DHRS3: variants seen among roughly 807,000 people sequenced by gnomAD.
DHRS3 encodes the protein short-chain dehydrogenase/reductase 3.
Under a neutral mutation model 27.2 loss-of-function variants are expected in DHRS3, and 14 were observed. That is an observed-to-expected ratio of 0.52 (90% CI 0.34 to 0.81). DHRS3 has a LOEUF of 0.81. DHRS3 is among the 30% of genes least tolerant of loss of function. DHRS3 has a pLI of 0.01. For synonymous variants in DHRS3, 165 were observed against 175.9 expected (o/e 0.94, Z 0.49); for missense variants, 322 against 406.2 (o/e 0.79, Z 1.78).
chr1:12,580,781 T>C, intron 1 of DHRS3, 115 bp from the exon 2 acceptor site: 1 of 1,237,298 alleles, frequency 8.1e-7, no homozygotes, highest in Non-Finnish European at 1.1e-6. Context: ...CTGGCCTCCC[T>C]GGTTCCACCC....
rs72871201 is a variant in DHRS3, at chr1:12,604,061, A to C, written c.195+13093T>G. Reference sequence around the variant, plus strand: ...CAGGGGTACATGACCCCTTAAAAGTACAAAACTTTCAGTTGCACCTTCTTC... The same window carrying C: ...CAGGGGTACATGACCCCTTAAAAGTCCAAAACTTTCAGTTGCACCTTCTTC... On this transcript the variant is annotated intron_variant, in intron 1 of 5. Coordinates refer to ENST00000616661, the MANE Select transcript of DHRS3 (RefSeq NM_004753.7). Among the ~76,000 whole-genome samples, 847 of 152,302 alleles carry C rather than the reference A, an allele frequency of 5.6e-3. 9 individuals carry two copies. The highest frequency in any genetic ancestry group is 0.019 in the African/African-American group (798 of 41,558).
At chr1:12,569,225 T>TCACACACACACACACACACA (rs1557509277) in intron 5 of DHRS3, among the ~76,000 whole-genome samples, 1 of 117,996 alleles carries the variant, frequency 8.5e-6, no homozygotes, top group African/African-American at 3.9e-5. Flanking sequence ...CCCCTCTCTC[T>TCACACACACACACACACACA]CTCTCTCACA....
intron 1 of DHRS3, among the ~76,000 whole-genome samples, chr1:12,590,188 G>A (rs1182084495): frequency 1.3e-5 from 2 of 152,158 alleles, no homozygotes; most frequent in African/African-American, 4.8e-5. Context: ...AACTCTGGGG[G>A]TTCTGGTGAG....
intron 5 of DHRS3, among the ~76,000 whole-genome samples, chr1:12,570,281 C>T (rs1412107996): frequency 6.6e-6 from 1 of 152,228 alleles, no homozygotes; most frequent in African/African-American, 2.4e-5. Context: ...CCAGCAAGCC[C>T]TGGTGTAGTC....
chr1:12,592,412 T>C lies in DHRS3; in HGVS notation c.196-11746A>G, dbSNP rs1646754289. On this transcript the variant is annotated intron_variant, in intron 1 of 5. Coordinates refer to ENST00000616661, the MANE Select transcript of DHRS3 (RefSeq NM_004753.7). This position sits in a 1 kb window ranked among gnomAD's most constrained non-coding sequence, Gnocchi z 4.2. ...GGTGGGCTCTGAGTCTAAGGACTAG[T>C]GTCCTCATGAGAGACAGAAGAAAGA... 2.0e-5 allele frequency among the ~76,000 whole-genome samples: 3 copies of C among 152,084 alleles called. No homozygotes were observed. The highest frequency in any genetic ancestry group is 6.5e-5 in the Admixed American group (1 of 15,282).
At chr1:12,605,461 C>T (rs1646864173) in intron 1 of DHRS3, among the ~76,000 whole-genome samples, 1 of 152,130 alleles carries the variant, frequency 6.6e-6, no homozygotes. Flanking sequence ...ATTAATAGTG[C>T]CATGTATATT....
At chr1:12,587,820 A>G (rs779065167) in intron 1 of DHRS3, among the ~76,000 whole-genome samples, 16 of 152,252 alleles carry the variant, frequency 1.1e-4, no homozygotes, top group Non-Finnish European at 2.2e-4. Context: ...ACACACAGGT[A>G]ATGTCACTCA....
At chr1:12,599,196 C>T (rs1048407604) in intron 1 of DHRS3, among the ~76,000 whole-genome samples, 2 of 152,390 alleles carry the variant, frequency 1.3e-5, no homozygotes, top group East Asian at 1.9e-4. Flanking sequence ...TTCCGGCTGA[C>T]TGGTCTCATG....
At chr1:12,579,063 C>T (rs1646618682) in intron 3 of DHRS3, 107 bp from the exon 4 acceptor site, 1 of 1,256,242 alleles carries the variant, frequency 8.0e-7, no homozygotes, top group South Asian at 1.4e-5. Context: ...TGCTCTAGGG[C>T]CCGAGCCTTC....
At chr1:12,604,565 T>C (rs12755309) in intron 1 of DHRS3, among the ~76,000 whole-genome samples, 1 of 152,206 alleles carries the variant, frequency 6.6e-6, no homozygotes, top group Non-Finnish European at 1.5e-5. Flanking sequence ...TCCAGAACCC[T>C]CTGTGTACTA....
At chr1:12,598,428 T>C (rs1215521937) in intron 1 of DHRS3, among the ~76,000 whole-genome samples, 1 of 152,166 alleles carries the variant, frequency 6.6e-6, no homozygotes, top group African/African-American at 2.4e-5. Flanking sequence ...ATAATTAGCA[T>C]TTATTTAGGA....
chr1:12,583,590 TATCCATCCATCCATCCATCCATCC>T (rs111034356), intron 1 of DHRS3, among the ~76,000 whole-genome samples: 1 of 94,844 alleles, frequency 1.1e-5, no homozygotes, highest in Non-Finnish European at 2.1e-5. Flanking sequence ...CTCACCTACT[TATCCATCCATCCATCCATCCATCC>T]ATCCATCCAT....
rs946652363 is a variant in DHRS3, at chr1:12,608,336, G to T, written c.195+8818C>A. On this transcript the variant is annotated intron_variant, in intron 1 of 5. Coordinates refer to ENST00000616661, the MANE Select transcript of DHRS3 (RefSeq NM_004753.7). The surrounding 1 kb of genome is among the most constrained non-coding windows in gnomAD (Gnocchi z 4.1). The stretch of plus-strand genomic sequence containing the variant: ...TACTAGGAACGCAAGGAAGCCATCA[G>T]CATCCAGTTCAGAAGCCACAGGAAT... Among the ~76,000 whole-genome samples the T allele has an allele frequency of 1.3e-5, 2 of 152,140 alleles. No homozygotes were observed. Among genetic ancestry groups the T allele is most frequent in the Admixed American group, 1.3e-4 (2 of 15,274 alleles).
At chr1:12,571,526 ATTTTTTT>A (rs371364169) in intron 5 of DHRS3, among the ~76,000 whole-genome samples, 25 of 126,736 alleles carry the variant, frequency 2.0e-4, no homozygotes, top group African/African-American at 6.5e-4. Flanking sequence ...TGTGAGGTCA[ATTTTTTT>A]TTTTTTTTTT....
At chr1:12,585,404 TGTGA>T (rs1646688938) in intron 1 of DHRS3, among the ~76,000 whole-genome samples, 2 of 152,032 alleles carry the variant, frequency 1.3e-5, no homozygotes, top group East Asian at 1.9e-4. Flanking sequence ...ACTGTGTGTG[TGTGA>T]GTGAGTGTGT....
intron 1 of DHRS3, among the ~76,000 whole-genome samples, chr1:12,607,861 A>ATG (rs1181504853): frequency 1.9e-3 from 250 of 132,636 alleles, no homozygotes; most frequent in Admixed American, 3.7e-3. Flanking sequence ...GTGTGTGTGT[A>ATG]TGTGTGTGTG....
Position 12,586,117 on chromosome 1 carries a change from C to A in DHRS3, c.196-5451G>T, listed in dbSNP as rs183969552. ...GGAGAAAGACCTCTGGTCTCCGGGGCCCCGGGCTGTCCTGCCCTTGCCCAG... is the reference window on the plus strand; with the variant it reads ...GGAGAAAGACCTCTGGTCTCCGGGGACCCGGGCTGTCCTGCCCTTGCCCAG... On this transcript the variant is annotated intron_variant, in intron 1 of 5. Coordinates refer to ENST00000616661, the MANE Select transcript of DHRS3 (RefSeq NM_004753.7). The surrounding 1 kb of genome is among the most constrained non-coding windows in gnomAD (Gnocchi z 5.0). Among the ~76,000 whole-genome samples, 13 of 152,342 alleles carry A rather than the reference C, an allele frequency of 8.5e-5. No individual in the cohort carries two copies. The highest frequency in any genetic ancestry group is 6.5e-4 in the Admixed American group (10 of 15,312).
chr1:12,615,806 C>G (rs1646940543), intron 1 of DHRS3, among the ~76,000 whole-genome samples: 1 of 152,224 alleles, frequency 6.6e-6, no homozygotes, highest in Non-Finnish European at 1.5e-5. Flanking sequence ...GAGAACAACT[C>G]TGACTTCCCC....
At chr1:12,602,122 C>T (rs1646839590) in intron 1 of DHRS3, among the ~76,000 whole-genome samples, 1 of 152,200 alleles carries the variant, frequency 6.6e-6, no homozygotes, top group Admixed American at 6.5e-5. Context: ...ACTTTGGCCT[C>T]ACCGCAGCCC....
Sources: gnomAD v4.1 joint callset for allele counts (sites outside exome capture counted in the v4.1 genomes callset) on GRCh38, gnomAD v4.1.1 for gene constraint, Gnocchi (gnomAD v3.1) non-coding constraint, MANE v1.5 for transcripts, NCBI Gene and HGNC (gene_info 2026-07-23, HGNC 2026-07-21) for gene names.